RORA: variants seen among roughly 807,000 people sequenced by gnomAD.
RORA encodes the protein RAR related orphan receptor A.
In RORA, 7 loss-of-function variants were observed where a neutral mutation model predicts 69.5. That is an observed-to-expected ratio of 0.10 (90% CI 0.06 to 0.19). The LOEUF (loss-of-function observed/expected upper bound fraction) is 0.19. RORA is among the 10% of genes least tolerant of loss of function. The pLI, the probability that RORA is intolerant of heterozygous loss-of-function variation, is 1.00. For synonymous variants in RORA, 261 were observed against 240.8 expected, an observed-to-expected ratio of 1.08 and a Z score of -0.78; for missense variants, 457 against 663.0, an observed-to-expected ratio of 0.69 and a Z score of 3.41.
intron 1 of RORA, among the ~76,000 whole-genome samples, chr15:60,766,215 G>GTGTGAGCC (rs1056203196): frequency 1.2e-4 from 19 of 152,090 alleles, no homozygotes; most frequent in Admixed American, 7.2e-4. Context: ...ATGGAATTGT[G>GTGTGAGCC]TGTGAGCCTG....
intron 2 of RORA, among the ~76,000 whole-genome samples, chr15:60,651,616 C>A (rs145334219): frequency 6.6e-6 from 1 of 152,142 alleles, no homozygotes; most frequent in Non-Finnish European, 1.5e-5. Context: ...TACCCAACCG[C>A]CCTTCCCCCA....
At chr15:60,862,180 A>G (rs1396058467) in intron 1 of RORA, among the ~76,000 whole-genome samples, 1 of 152,212 alleles carries the variant, frequency 6.6e-6, no homozygotes, top group African/African-American at 2.4e-5. Context: ...TTTCTAACTC[A>G]GTGGACTCTC....
intron 2 of RORA, among the ~76,000 whole-genome samples, chr15:60,597,108 T>C (rs1360170934): frequency 6.6e-6 from 1 of 152,126 alleles, no homozygotes; most frequent in Non-Finnish European, 1.5e-5. Context: ...GAAAAGATGT[T>C]TGCGCAGCAC....
chr15:60,879,359 T>G (rs1277365888), intron 1 of RORA, among the ~76,000 whole-genome samples: 1 of 152,120 alleles, frequency 6.6e-6, no homozygotes, highest in Non-Finnish European at 1.5e-5. Context: ...ATAATTATGG[T>G]ACCCATACAT....
intron 1 of RORA, among the ~76,000 whole-genome samples, chr15:60,702,976 A>G (rs1000368946): frequency 1.3e-5 from 2 of 152,338 alleles, no homozygotes; most frequent in Non-Finnish European, 2.9e-5. Context: ...TCACAATGAG[A>G]TGTTCCGAGT....
At chr15:61,051,766 G>T (rs2078017877) in intron 1 of RORA, among the ~76,000 whole-genome samples, 1 of 152,152 alleles carries the variant, frequency 6.6e-6, no homozygotes, top group Non-Finnish European at 1.5e-5. Context: ...GTCTCCGCCT[G>T]GGCTTCAAAA....
chr15:60,949,927 T>C (rs1893030082), intron 1 of RORA, among the ~76,000 whole-genome samples: 1 of 152,134 alleles, frequency 6.6e-6, no homozygotes, highest in Non-Finnish European at 1.5e-5. Context: ...AGAAACTGAA[T>C]CTTAAAGAGT....
intron 1 of RORA, among the ~76,000 whole-genome samples, chr15:61,045,354 G>T (rs1229674837): frequency 1.3e-5 from 2 of 152,170 alleles, no homozygotes; most frequent in African/African-American, 4.8e-5. Context: ...GTGGAACTGT[G>T]AGTCAATTAA....
At chr15:60,655,149 T>G (rs991922696) in intron 2 of RORA, among the ~76,000 whole-genome samples, 7 of 152,170 alleles carry the variant, frequency 4.6e-5, no homozygotes, top group Non-Finnish European at 8.8e-5. Flanking sequence ...ATGTACCAAA[T>G]TCATGGCAAC....
At chr15:61,148,472 C>A (rs12900948) in intron 1 of RORA, among the ~76,000 whole-genome samples, 1 of 151,938 alleles carries the variant, frequency 6.6e-6, no homozygotes, top group African/African-American at 2.4e-5. Context: ...GGCATCACCC[C>A]GCTCACCATC....
intron 2 of RORA, chr15:60,627,622 CTCTTT>C: frequency 4.1e-6 from 3 of 733,396 alleles, no homozygotes; most frequent in Non-Finnish European, 5.0e-6. Flanking sequence ...CTGGGCTCCT[CTCTTT>C]TCTTTTCTTT....
intron 1 of RORA, among the ~76,000 whole-genome samples, chr15:61,193,528 C>T (rs1265869227): frequency 6.6e-6 from 1 of 152,146 alleles, no homozygotes; most frequent in Admixed American, 6.6e-5. Flanking sequence ...GGATCCAGCC[C>T]TTCCTGAAGT....
intron 1 of RORA, among the ~76,000 whole-genome samples, chr15:61,025,729 T>G (rs4774383): frequency 0.59 from 88,993 of 152,010 alleles, 28,402 homozygotes; most frequent in Non-Finnish European, 0.72. Context: ...AAAGAATTAG[T>G]GCAGAAAAAT....
chr15:60,862,985 C>T (rs533538195), intron 1 of RORA, among the ~76,000 whole-genome samples: 5 of 152,290 alleles, frequency 3.3e-5, no homozygotes, highest in African/African-American at 1.2e-4. Flanking sequence ...GTTCTCCCTT[C>T]AGGCAGGTTG....
At chr15:60,583,708 C>G (rs2068254906) in intron 2 of RORA, among the ~76,000 whole-genome samples, 1 of 152,124 alleles carries the variant, frequency 6.6e-6, no homozygotes, top group Non-Finnish European at 1.5e-5. Flanking sequence ...ATAGCAAGGC[C>G]AAAGTTAACA....
At chr15:61,036,814 C>A (rs1356470616) in intron 1 of RORA, among the ~76,000 whole-genome samples, 2 of 142,082 alleles carry the variant, frequency 1.4e-5, no homozygotes, top group Non-Finnish European at 3.1e-5. Context: ...CCACCCCCAC[C>A]CCTGCCCTTC....
At chr15:60,865,290 G>A (rs1205160388) in intron 1 of RORA, among the ~76,000 whole-genome samples, 1 of 152,220 alleles carries the variant, frequency 6.6e-6, no homozygotes, top group Non-Finnish European at 1.5e-5. Flanking sequence ...AAATGGAGAA[G>A]TTGGTCTAGA....
intron 1 of RORA, among the ~76,000 whole-genome samples, chr15:60,991,363 C>T (rs971050849): frequency 6.6e-6 from 1 of 152,074 alleles, no homozygotes; most frequent in African/African-American, 2.4e-5. Flanking sequence ...TAAGGGGAGA[C>T]TCAAATGTGG....
chr15:60,648,080 GGGA>G (rs1194686106), intron 2 of RORA, among the ~76,000 whole-genome samples: 1 of 152,236 alleles, frequency 6.6e-6, no homozygotes, highest in African/African-American at 2.4e-5. Context: ...GGCAGACTGA[GGGA>G]GGAGGAGGAG....
Sources: gnomAD v4.1 joint callset for allele counts (sites outside exome capture counted in the v4.1 genomes callset) on GRCh38, gnomAD v4.1.1 for gene constraint, MANE v1.5 for transcripts, NCBI Gene and HGNC (gene_info 2026-07-23, HGNC 2026-07-21) for gene names.